Variants in EIF4G1 observed in about 807,000 individuals in gnomAD.
EIF4G1 encodes EIF4-gamma.
Under a neutral mutation model 187.8 loss-of-function variants are expected in EIF4G1, and 4 were observed. The ratio of observed to expected loss-of-function variants is 0.02; its 90% CI spans 0.01 to 0.05. The LOEUF (loss-of-function observed/expected upper bound fraction) is 0.05, where lower values mean the gene tolerates loss of function less well. Among genes scored for constraint, EIF4G1 ranks in the 10% least tolerant of loss-of-function variants. The probability of loss-of-function intolerance (pLI) is 1.00; values close to 1 mark genes in which losing one functional copy is unlikely to be tolerated. For missense variants in EIF4G1, 1,647 were observed against 2,081.1 expected (o/e 0.79, Z 4.06); for synonymous variants, 844 against 781.4 (o/e 1.08, Z -1.34).
intron 6 of EIF4G1, chr3:184,319,267 T>A (rs1280704110): frequency 4.9e-6 from 1 of 205,302 alleles, no homozygotes; most frequent in Non-Finnish European, 1.0e-5. Flanking sequence ...TTTCTCTCAT[T>A]ACCAGCCAAA....
At chr3:184,328,458 C>A in intron 26 of EIF4G1, 173 bp from the exon 27 acceptor site, 1 of 898,652 alleles carries the variant, frequency 1.1e-6, no homozygotes, top group Non-Finnish European at 1.8e-6. Flanking sequence ...GGGGGTTAAG[C>A]GGGGTGAAAA....
chr3:184,321,638 G>A lies in EIF4G1; in HGVS notation c.1054G>A (p.Ala352Thr). ...TCCTCTCCAGGCTCCCACCCCTTTG[G>A]CATCTCACACAGTGGAAATTCATGA... ...SSPLQAPTPL[A>T]SHTVEIHEPN... is the part of the protein sequence containing the mutation. The change falls in exon 10 of 33, where the codon GCA becomes ACA. Residue 352 changes from alanine (A) to threonine (T), a missense_variant. By Grantham distance (58) the Ala-to-Thr change is moderately conservative (BLOSUM62 0). Coordinates refer to ENST00000346169, the MANE Select transcript of EIF4G1 (RefSeq NM_198241.3). The A allele has an allele frequency of 6.2e-7, 1 of 1,611,628 alleles. No homozygotes were observed. Among genetic ancestry groups the A allele is most frequent in the Non-Finnish European group, 8.5e-7 (1 of 1,178,368 alleles).
At chr3:184,331,649 G>C in intron 30 of EIF4G1, 43 bp downstream of exon 30, 1 of 1,610,674 alleles carries the variant, frequency 6.2e-7, no homozygotes, top group Non-Finnish European at 8.5e-7. Flanking sequence ...GTAGTTCTTA[G>C]GGTGGGGGTG....
In EIF4G1 at chr3:184,327,247, G is replaced by A. The variant is rs775506938; in HGVS notation, c.3460G>A (p.Ala1154Thr). 7.4e-6 allele frequency: 12 copies of A among 1,613,106 alleles called. No homozygotes were observed. In the South Asian group the frequency reaches 1.2e-4, roughly 16 times the overall value. The part of the protein sequence containing the change: ...SSLSRERGEK[A>T]GDRGDRLERS... ...CTTGAGCCGAGAACGAGGCGAGAAA[G>A]CTGGAGACCGAGGAGACCGCCTAGA... The change falls in exon 24 of 33, where the codon GCT (alanine) becomes ACT (threonine). Residue 1154 changes from alanine (A) to threonine (T), a missense_variant. By Grantham distance (58) the Ala-to-Thr change is moderately conservative. Transcript: ENST00000346169.
chr3:184,315,628 T>A, intron 2 of EIF4G1, 83 bp downstream of exon 2: 1 of 776,844 alleles, frequency 1.3e-6, no homozygotes. Flanking sequence ...GGACAGGCTG[T>A]ATCTTTTCTG....
intron 16 of EIF4G1, 64 bp downstream of exon 16, chr3:184,324,041 T>C (rs1236107811): frequency 6.2e-7 from 1 of 1,609,182 alleles, no homozygotes; most frequent in Non-Finnish European, 8.5e-7. Flanking sequence ...CAAGACTCCT[T>C]GAGTCCAGCT....
At chr3:184,327,754 TGCTG>T in intron 25 of EIF4G1, 50 bp downstream of exon 25, 4 of 1,613,464 alleles carry the variant, frequency 2.5e-6, no homozygotes, top group Non-Finnish European at 3.4e-6. Flanking sequence ...GGAGGGATCA[TGCTG>T]GCAGGCATAG....
At chr3:184,332,150 C>T (rs528420387) in intron 32 of EIF4G1, 64 bp downstream of exon 32, 127 of 1,610,266 alleles carry the variant, frequency 7.9e-5, no homozygotes, top group Non-Finnish European at 1.1e-4. Context: ...GGGCATGAGA[C>T]CCTTCATGGA....
intron 6 of EIF4G1, 39 bp from the exon 7 acceptor site, chr3:184,319,650 G>A: frequency 7.5e-7 from 1 of 1,330,636 alleles, no homozygotes; most frequent in Non-Finnish European, 1.1e-6. Flanking sequence ...GTTGGGCCCT[G>A]ACGCTACCAC....
rs919763454 is a variant in EIF4G1 at position 184,335,187 on chromosome 3, A to T, written c.*279A>T. ...TGTCTTGGGGTGGGGAGGGGCACCAACGCCTGCCCCTGGGGTCCTTTTTTT... is the reference window on the plus strand; with the variant it reads ...TGTCTTGGGGTGGGGAGGGGCACCATCGCCTGCCCCTGGGGTCCTTTTTTT... On this transcript the variant is annotated 3_prime_UTR_variant, in exon 33 of 33. Transcript: ENST00000346169. The T allele has an allele frequency of 2.3e-6, 1 of 435,944 alleles. No homozygotes were observed. The highest frequency in any genetic ancestry group is 2.0e-5 in the African/African-American group (1 of 50,476). 27.0% of individuals were successfully genotyped at this position (435,944 alleles called of 1,614,324 possible).
chr3:184,328,670 T>A lies in EIF4G1; in HGVS notation c.3993T>A (p.Ile1331=). 1 of 1,614,148 alleles carries A rather than the reference T, an allele frequency of 6.2e-7. No individual in the cohort carries two copies. Among genetic ancestry groups the A allele is most frequent in the African/African-American group, 1.3e-5 (1 of 75,024 alleles). The change falls in exon 27 of 33, where the codon ATT becomes ATA. Residue 1331 remains isoleucine, a synonymous_variant. Transcript: ENST00000346169. ...TGGAATTGGCTGAGGACATGGAAAT[T>A]GACATCCCCCACGTGTGGCTCTACC... The part of the protein sequence containing the change: ...EILELAEDME[I]DIPHVWLYLA...
Position 184,326,895 on chromosome 3 carries a change from C to T in EIF4G1, c.3340C>T (p.Arg1114Cys), listed in dbSNP as rs150054202. 4.3e-6 allele frequency: 7 copies of T among 1,614,090 alleles called. No individual in the cohort carries two copies. The highest frequency in any genetic ancestry group is 2.7e-5 in the African/African-American group (2 of 74,920). The change falls in exon 23 of 33, where the codon CGC becomes TGC. Residue 1114 changes from arginine (R) to cysteine (C), a missense_variant. Arg to Cys is a radical substitution (Grantham distance 180, BLOSUM62 -3). Transcript: ENST00000346169. Reference protein sequence around the residue: ...KPSDAASEAARPATSTLNRFS... With the variant: ...KPSDAASEAACPATSTLNRFS... Reference sequence around the variant, plus strand: ...TGCATCCCCAGCATCAGAAGCTGCTCGCCCAGCTACTAGTACTTTGAATCG... The same window carrying T: ...TGCATCCCCAGCATCAGAAGCTGCTTGCCCAGCTACTAGTACTTTGAATCG...
chr3:184,332,421 TGTA>T (rs1211008987), intron 32 of EIF4G1, among the ~76,000 whole-genome samples: 1 of 152,188 alleles, frequency 6.6e-6, no homozygotes, highest in Non-Finnish European at 1.5e-5. Flanking sequence ...CCTTGCCTCA[TGTA>T]GTCCTCACAA....
In EIF4G1 at chr3:184,334,863, C is replaced by T. The variant is rs748241526; in HGVS notation, c.4755C>T (p.Phe1585=). 12 of 1,614,102 alleles carry T rather than the reference C, an allele frequency of 7.4e-6. No homozygotes were observed. The highest frequency in any genetic ancestry group is 1.0e-5 in the Non-Finnish European group (12 of 1,180,030). The change falls in exon 33 of 33, where the codon TTC becomes TTT. Residue 1585 remains phenylalanine, a synonymous_variant. Coordinates refer to ENST00000346169, the MANE Select transcript of EIF4G1 (RefSeq NM_198241.3). This position sits in a 1 kb window ranked among gnomAD's most constrained non-coding sequence, Gnocchi z 5.8. ...TGGCCCTTAAATCTGTCACAGCCTT[C>T]TTCAAGTGGCTCCGTGAAGCAGAGG... ...KGVALKSVTA[F]FKWLREAEEE...
chr3:184,320,023 C>G (rs1366671115), intron 7 of EIF4G1, among the ~76,000 whole-genome samples: 1 of 152,162 alleles, frequency 6.6e-6, no homozygotes, highest in Admixed American at 6.5e-5. Context: ...GAAGTTCCTG[C>G]GAGACCTGGG....
In EIF4G1 at chr3:184,325,512, T is replaced by G; in HGVS notation, c.2994T>G (p.Gly998=). 2 of 1,613,932 alleles carry G rather than the reference T, an allele frequency of 1.2e-6. No individual in the cohort carries two copies. Among genetic ancestry groups the G allele is most frequent in the Non-Finnish European group, 1.7e-6 (2 of 1,180,008 alleles). The change falls in exon 20 of 33, where the codon GGT becomes GGG. Residue 998 remains glycine (G), a synonymous_variant. Coordinates refer to ENST00000346169, the MANE Select transcript of EIF4G1 (RefSeq NM_198241.3). The surrounding 1 kb of genome is among the most constrained non-coding windows in gnomAD (Gnocchi z 5.2). ...SNWVPRRGDQ[G]PKTIDQIHKE... ...GGGTGCCACGCCGAGGGGATCAGGG[T>G]CCCAAGACCATTGACCAGATCCATA...
chr3:184,318,275 TG>T (rs1378528208), intron 6 of EIF4G1, among the ~76,000 whole-genome samples: 2 of 152,242 alleles, frequency 1.3e-5, no homozygotes, highest in Non-Finnish European at 2.9e-5. Context: ...TTTGTTTATA[TG>T]TATGCAAAAT....
At chr3:184,329,785 G>A (rs548077613) in intron 28 of EIF4G1, among the ~76,000 whole-genome samples, 2 of 152,330 alleles carry the variant, frequency 1.3e-5, no homozygotes, top group African/African-American at 4.8e-5. Context: ...AAGCGGCTTT[G>A]TGAAAGTTAA....
At chr3:184,328,095 G>C (rs1356796839) in intron 26 of EIF4G1, 93 bp downstream of exon 26, 1 of 1,479,960 alleles carries the variant, frequency 6.8e-7, no homozygotes, top group Non-Finnish European at 9.3e-7. Flanking sequence ...AAGAGTGTAG[G>C]TTCCCTGGCC....
Sources: allele counts gnomAD v4.1 joint callset (sites outside exome capture counted in the v4.1 genomes callset), GRCh38; gene constraint gnomAD v4.1.1; non-coding constraint Gnocchi (gnomAD v3.1); transcripts MANE v1.5; gene names NCBI Gene and HGNC (gene_info 2026-07-23, HGNC 2026-07-21).